The following MEGF8 variants were observed in gnomAD, a reference collection of about 807,000 sequenced individuals.
MEGF8 encodes the protein multiple epidermal growth factor-like domains protein 8.
Under a neutral mutation model 302.9 loss-of-function variants are expected in MEGF8, and 156 were observed. The ratio of observed to expected loss-of-function variants is 0.52; its 90% CI spans 0.45 to 0.59. The LOEUF (loss-of-function observed/expected upper bound fraction) is 0.59. Among genes scored for constraint, MEGF8 ranks in the 20% least tolerant of loss-of-function variants. MEGF8 has a pLI of 0.00. For synonymous variants in MEGF8, 1,621 were observed against 1,660.5 expected (o/e 0.98, Z 0.58); for missense variants, 3,345 against 3,964.5 (o/e 0.84, Z 4.20).
intron 8 of MEGF8, among the ~76,000 whole-genome samples, chr19:42,338,110 T>C (rs183657639): frequency 6.6e-6 from 1 of 152,310 alleles, no homozygotes; most frequent in East Asian, 1.9e-4. Flanking sequence ...TTGGCCTTTT[T>C]AACTTTCAAT....
Position 42,344,961 on chromosome 19 carries a change from C to CA in MEGF8, c.2097+128_2097+129insA. 2 of 1,042,552 alleles carry CA rather than the reference C, an allele frequency of 1.9e-6. No individual in the cohort carries two copies. Among genetic ancestry groups the CA allele is most frequent in the Non-Finnish European group, 2.6e-6 (2 of 772,968 alleles). The allele number at this position is 1,042,552 out of a possible 1,614,324, so 64.6% of individuals were successfully genotyped here. Reference sequence around the variant, plus strand: ...TCTTTACATTCAAGGGTCTTATTTTCCTTATGGACTTTATTTTTTATTTTT... The same window carrying CA: ...TCTTTACATTCAAGGGTCTTATTTTCACTTATGGACTTTATTTTTTATTTTT... On this transcript the variant is annotated intron_variant, in intron 12 of 41. Coordinates refer to ENST00000251268, the MANE Select transcript of MEGF8 (RefSeq NM_001271938.2). This position sits in a 1 kb window ranked among gnomAD's most constrained non-coding sequence, Gnocchi z 4.5.
In MEGF8 at chr19:42,356,879, T is replaced by C; in HGVS notation, c.4728T>C (p.Ala1576=). Residue 1576 remains alanine, a synonymous_variant, in exon 27 of 42, where the codon GCT becomes GCC. Transcript: ENST00000251268. The surrounding 1 kb of genome is among the most constrained non-coding windows in gnomAD (Gnocchi z 5.2). ...TCCATGCAGCCGCATATGTGCCCGC[T>C]GGCCGTGGTGCCATGTATCTGCTGG... The part of the protein sequence containing the change: ...RSFHAAAYVP[A]GRGAMYLLGG... The C allele has an allele frequency of 6.2e-7, 1 of 1,601,396 alleles. No homozygotes were observed. Among genetic ancestry groups the C allele is most frequent in the Non-Finnish European group, 8.5e-7 (1 of 1,174,578 alleles).
Position 42,358,457 on chromosome 19 carries a change from C to T in MEGF8, c.5175+150C>T, listed in dbSNP as rs2039484039. 2 of 1,078,394 alleles carry T rather than the reference C, an allele frequency of 1.9e-6. No homozygotes were observed. Among genetic ancestry groups the T allele is most frequent in the African/African-American group, 1.6e-5 (1 of 61,224 alleles). The allele number at this position is 1,078,394 out of a possible 1,614,324, so 66.8% of individuals were successfully genotyped here. ...AAGCGACACCCCCACATCTCCCCCG[C>T]TTCCATCCCTGATTTGGAGGAGAGA... On this transcript the variant is annotated intron_variant, in intron 29 of 41. Transcript: ENST00000251268. This position sits in a 1 kb window ranked among gnomAD's most constrained non-coding sequence, Gnocchi z 4.4.
At chr19:42,372,083 A>G (rs1156249312) in intron 41 of MEGF8, among the ~76,000 whole-genome samples, 1 of 151,736 alleles carries the variant, frequency 6.6e-6, no homozygotes, top group Non-Finnish European at 1.5e-5. Flanking sequence ...AAACACACAC[A>G]CACACACACA....
chr19:42,326,644 G>A (rs984901141), intron 1 of MEGF8, among the ~76,000 whole-genome samples: 6 of 151,934 alleles, frequency 3.9e-5, no homozygotes, highest in African/African-American at 1.5e-4. Flanking sequence ...ACAATTACAA[G>A]ACAGGAGCAT....
intron 1 of MEGF8, among the ~76,000 whole-genome samples, chr19:42,329,828 C>T (rs2039032420): frequency 1.3e-5 from 2 of 149,806 alleles, no homozygotes; most frequent in South Asian, 4.2e-4. Flanking sequence ...GCCGAGATTG[C>T]GCTGCTATAC....
At chr19:42,355,369 G>A (rs991484059) in intron 23 of MEGF8, among the ~76,000 whole-genome samples, 2 of 152,152 alleles carry the variant, frequency 1.3e-5, no homozygotes, top group African/African-American at 2.4e-5. Flanking sequence ...CCAGTCTCAT[G>A]TAAGGGCAGT....
chr19:42,328,288 CAG>C (rs2039011279), intron 1 of MEGF8, among the ~76,000 whole-genome samples: 1 of 152,168 alleles, frequency 6.6e-6, no homozygotes, highest in South Asian at 2.1e-4. Context: ...GGCCTCCAGA[CAG>C]GGGAGGTCCT....
intron 9 of MEGF8, 64 bp downstream of exon 9, chr19:42,343,695 G>A: frequency 6.6e-7 from 1 of 1,506,380 alleles, no homozygotes; most frequent in Non-Finnish European, 8.9e-7. Flanking sequence ...TTCCACAGGT[G>A]AGGGGAAAGG....
chr19:42,325,917 A>C lies in MEGF8; in HGVS notation c.-327A>C. On this transcript the variant is annotated 5_prime_UTR_variant, in exon 1 of 42. Coordinates refer to ENST00000251268, the MANE Select transcript of MEGF8 (RefSeq NM_001271938.2). ...TTGGCCTGCAGCAGCCTGAGTCCGT[A>C]ATGCTGGGCACTGTTCATGGGATCG... is the stretch of plus-strand genomic sequence containing the variant. The C allele has an allele frequency of 3.6e-6, 1 of 275,214 alleles. No homozygotes were observed. Among genetic ancestry groups the C allele is most frequent in the Non-Finnish European group, 6.8e-6 (1 of 147,818 alleles). 17.0% of individuals were successfully genotyped at this position (275,214 alleles called of 1,614,324 possible).
At chr19:42,345,015 A>T (rs1441299811) in intron 12 of MEGF8, among the ~76,000 whole-genome samples, 182 bp downstream of exon 12, 1 of 152,126 alleles carries the variant, frequency 6.6e-6, no homozygotes, top group Non-Finnish European at 1.5e-5. Context: ...TCTGTCACCC[A>T]GGCTGAAGTG....
In MEGF8 at chr19:42,356,824, A is replaced by C; in HGVS notation, c.4673A>C (p.Asp1558Ala). ...ACACAGATGCTGGCGGGAGCCGAGG[A>C]CGGGGGCCCAGGCCCATCGCCCCGC... is the stretch of plus-strand genomic sequence containing the variant. The part of the protein sequence containing the change: ...RWTQMLAGAE[D>A]GGPGPSPRSF... Residue 1558 changes from aspartate to alanine, a missense_variant, in exon 27 of 42, where the codon GAC becomes GCC. Physicochemically the swap from Asp to Ala is moderately radical, Grantham distance 126 (BLOSUM62 -2). Transcript: ENST00000251268. The surrounding 1 kb of genome is among the most constrained non-coding windows in gnomAD (Gnocchi z 5.2). 2 of 1,559,288 alleles carry C rather than the reference A, an allele frequency of 1.3e-6. No homozygotes were observed. The highest frequency in any genetic ancestry group is 1.7e-6 in the Non-Finnish European group (2 of 1,151,808).
intron 3 of MEGF8, among the ~76,000 whole-genome samples, chr19:42,334,561 A>G (rs2039099176): frequency 6.6e-6 from 1 of 152,040 alleles, no homozygotes; most frequent in Admixed American, 6.6e-5. Context: ...CCAGCCTCGC[A>G]CCACTGACCT....
In MEGF8 at chr19:42,353,380, G is replaced by A. The variant is rs2039404625; in HGVS notation, c.3551-85G>A. The A allele has an allele frequency of 6.9e-7, 1 of 1,442,888 alleles. No individual in the cohort carries two copies. The highest frequency in any genetic ancestry group is 1.4e-5 in the African/African-American group (1 of 70,682). 89.4% of individuals were successfully genotyped at this position (1,442,888 alleles called of 1,614,324 possible). A position where few individuals can be genotyped will look rare whatever the true frequency, so the allele number is the denominator to read the frequency against. ...TTTCTCACCTTTGAAGCGGCTGGGT[G>A]GGGTCAGGGTTTAGCTGAGCCAGTA... On this transcript the variant is annotated intron_variant, in intron 20 of 41. Transcript: ENST00000251268. The surrounding 1 kb of genome is among the most constrained non-coding windows in gnomAD (Gnocchi z 6.1).
chr19:42,350,343 C>G lies in MEGF8; in HGVS notation c.2695C>G (p.Pro899Ala), dbSNP rs1186872690. Residue 899 changes from proline (P) to alanine (A), a missense_variant, in exon 15 of 42, where the codon CCA (proline) becomes GCA (alanine). Physicochemically the swap from Pro to Ala is conservative, Grantham distance 27. Transcript: ENST00000251268. ...SLLVLVPTLC[P>A]LCEEHRDCHA... ...GCTGGTGCTGGTGCCTACCCTCTGC[C>G]CACTCTGCGAGGAGCATCGGGACTG... is the stretch of plus-strand genomic sequence containing the variant. 1 of 1,602,914 alleles carries G rather than the reference C, an allele frequency of 6.2e-7. No homozygotes were observed. The highest frequency in any genetic ancestry group is 1.7e-5 in the Admixed American group (1 of 59,600).
chr19:42,344,232 C>A lies in MEGF8; in HGVS notation c.1788+159C>A, dbSNP rs1299650352. On this transcript the variant is annotated intron_variant, in intron 10 of 41. Coordinates refer to ENST00000251268, the MANE Select transcript of MEGF8 (RefSeq NM_001271938.2). The surrounding 1 kb of genome is among the most constrained non-coding windows in gnomAD (Gnocchi z 4.5). ...GATTCCTGACTGCGGAGCCCTGAACCTTTGCCTATCCCACCCAGCCCGACC... is the reference window on the plus strand; with the variant it reads ...GATTCCTGACTGCGGAGCCCTGAACATTTGCCTATCCCACCCAGCCCGACC... Among the ~76,000 whole-genome samples, 2 of 152,194 alleles carry A rather than the reference C, an allele frequency of 1.3e-5. No homozygotes were observed. Among genetic ancestry groups the A allele is most frequent in the Non-Finnish European group, 2.9e-5 (2 of 68,024 alleles).
Position 42,353,170 on chromosome 19 carries a change from C to T in MEGF8, c.3550+43C>T. The T allele has an allele frequency of 4.1e-6, 6 of 1,481,356 alleles. No homozygotes were observed. Among genetic ancestry groups the T allele is most frequent in the Non-Finnish European group, 5.4e-6 (6 of 1,110,886 alleles). The allele number at this position is 1,481,356 out of a possible 1,614,324, so 91.8% of individuals were successfully genotyped here. ...TGGGCCCAGCCTGGACCCAGGGAGC[C>T]TCCTCCCTTCTTGGGGCTCCAGTTT... On this transcript the variant is annotated intron_variant, in intron 20 of 41. Transcript: ENST00000251268. This position sits in a 1 kb window ranked among gnomAD's most constrained non-coding sequence, Gnocchi z 6.1.
chr19:42,355,759 G>T lies in MEGF8; in HGVS notation c.4146G>T (p.Gly1382=). The change falls in exon 24 of 42, where the codon GGG becomes GGT. Residue 1382 remains glycine (G), a splice_region_variant and synonymous_variant. Transcript: ENST00000251268. ...DRPLTVQALS[G]LLVLHWEANG... The stretch of plus-strand genomic sequence containing the variant: ...AGCCTCTGGCCTCTCTCTTCACAGG[G>T]CTGCTCGTGCTGCACTGGGAGGCCA... The T allele has an allele frequency of 6.3e-7, 1 of 1,575,874 alleles. No individual in the cohort carries two copies.
At position 42,359,256 on chromosome 19, in the gene MEGF8, G is replaced by T; in HGVS notation, c.5488+14G>T. 6.5e-7 allele frequency: 1 copy of T among 1,537,834 alleles called. No homozygotes were observed. On this transcript the variant is annotated intron_variant, in intron 31 of 41. Transcript: ENST00000251268. ...CCGACCTCACCCGTAAGTCCCCATT[G>T]TGGCTCCCAGGAGGCTGAGGGACAT...
Sources: gnomAD v4.1 joint callset for allele counts (sites outside exome capture counted in the v4.1 genomes callset) on GRCh38, gnomAD v4.1.1 for gene constraint, Gnocchi (gnomAD v3.1) non-coding constraint, MANE v1.5 for transcripts, NCBI Gene and HGNC (gene_info 2026-07-23, HGNC 2026-07-21) for gene names.